Variants in SLC35A5 observed in about 807,000 individuals in gnomAD.
SLC35A5 encodes solute carrier family 35 member A5.
In SLC35A5, 28 loss-of-function variants were observed where a neutral mutation model predicts 36.3. The observed-to-expected ratio is 0.77, with a 90% CI of 0.57 to 1.06. The LOEUF is 1.06. SLC35A5 is among the 50% of genes least tolerant of loss of function. The probability of loss-of-function intolerance (pLI) is 0.00; values close to 1 mark genes in which losing one functional copy is unlikely to be tolerated. For synonymous variants in SLC35A5, 180 were observed against 173.7 expected (o/e 1.04, Z -0.29); for missense variants, 521 against 499.3 (o/e 1.04, Z -0.41).
chr3:112,575,638 A>G (rs1576755959), intron 5 of SLC35A5, among the ~76,000 whole-genome samples: 1 of 152,282 alleles, frequency 6.6e-6, no homozygotes, highest in Middle Eastern at 3.4e-3. Flanking sequence ...AGGAATAATA[A>G]TGATTCTTAG....
chr3:112,563,095 T>G (rs186087573), intron 1 of SLC35A5, among the ~76,000 whole-genome samples: 1 of 152,328 alleles, frequency 6.6e-6, no homozygotes, highest in Admixed American at 6.5e-5. Context: ...AAAATAAAAT[T>G]CAAAATTGCT....
chr3:112,581,224 T>C lies in SLC35A5; in HGVS notation c.1107T>C (p.Ser369=), dbSNP rs769147199. 7 of 1,613,856 alleles carry C rather than the reference T, an allele frequency of 4.3e-6. No individual in the cohort carries two copies. In the Admixed American group the frequency reaches 1.2e-4, roughly 27 times the overall value. Residue 369 remains serine (S), a synonymous_variant, in exon 6 of 7, where the codon TCT becomes TCC. Coordinates refer to ENST00000492406, the MANE Select transcript of SLC35A5 (RefSeq NM_017945.5). ...TGGAAGCCCCATCAGTCCTTCTCTC[T>C]ATATTTATTTATAATGCCAGCAAGC... ...FFLEAPSVLL[S]IFIYNASKPQ...
Position 112,563,514 on chromosome 3 carries a change from GAAGTA to G in SLC35A5, c.112_116del (p.Lys38PhefsTer4), listed in dbSNP as rs1444041539. 12 of 1,604,084 alleles carry G rather than the reference GAAGTA, an allele frequency of 7.5e-6. No individual in the cohort carries two copies. Among genetic ancestry groups the G allele is most frequent in the Non-Finnish European group, 1.0e-5 (12 of 1,172,586 alleles). ...TAAGCTCAAGTCGCATCTTACTAGT[GAAGTA>G]TTCTGCCAATGAAGGTAAGTTAAGA... On this transcript the variant is annotated frameshift_variant, in exon 2 of 7. Coordinates refer to ENST00000492406, the MANE Select transcript of SLC35A5 (RefSeq NM_017945.5). LOFTEE classifies it high-confidence loss of function.
chr3:112,579,817 C>G (rs1934823683), intron 5 of SLC35A5, among the ~76,000 whole-genome samples: 1 of 152,168 alleles, frequency 6.6e-6, no homozygotes, highest in South Asian at 2.1e-4. Flanking sequence ...CCCAGGTTGC[C>G]TGGCACGTAG....
At chr3:112,561,654 G>GGGGAC (rs1052716811), upstream of SLC35A5, 159 of 988,496 alleles carry the variant, frequency 1.6e-4, 1 homozygote, top group East Asian at 2.7e-3. Context: ...CAGCACCCGA[G>GGGGAC]GGGACGGGAC....
chr3:112,576,414 C>T (rs867280092), intron 5 of SLC35A5, among the ~76,000 whole-genome samples: 6 of 147,962 alleles, frequency 4.1e-5, no homozygotes, highest in Non-Finnish European at 7.5e-5. Context: ...CGTGAGCCAC[C>T]GCGTCCAGCC....
upstream of SLC35A5, chr3:112,561,331 G>A (rs910010246): frequency 2.2e-5 from 21 of 943,522 alleles, no homozygotes; most frequent in Non-Finnish European, 3.5e-5. Context: ...ACACTTCCCT[G>A]TGTCTCGAGC....
chr3:112,565,907 A>G (rs980170166), intron 2 of SLC35A5, among the ~76,000 whole-genome samples: 4 of 152,216 alleles, frequency 2.6e-5, no homozygotes, highest in African/African-American at 9.6e-5. Flanking sequence ...TCTCTAGGCC[A>G]GTCTGAGGGA....
At chr3:112,579,158 A>T (rs1210431717) in intron 5 of SLC35A5, among the ~76,000 whole-genome samples, 1 of 152,168 alleles carries the variant, frequency 6.6e-6, no homozygotes, top group Admixed American at 6.5e-5. Context: ...TGCATCCTGG[A>T]AACTTAGAAT....
At chr3:112,581,678 G>A (rs1185968839) in intron 6 of SLC35A5, among the ~76,000 whole-genome samples, 3 of 152,158 alleles carry the variant, frequency 2.0e-5, no homozygotes, top group Non-Finnish European at 4.4e-5. Context: ...GAAAGAACTG[G>A]TACACCTATG....
At chr3:112,573,231 C>T (rs1934525345) in intron 4 of SLC35A5, among the ~76,000 whole-genome samples, 1 of 152,100 alleles carries the variant, frequency 6.6e-6, no homozygotes, top group South Asian at 2.1e-4. Context: ...TAATTATGGG[C>T]AGCAATGATG....
chr3:112,564,589 C>T (rs1352465936), intron 2 of SLC35A5, among the ~76,000 whole-genome samples: 1 of 152,104 alleles, frequency 6.6e-6, no homozygotes, highest in Non-Finnish European at 1.5e-5. Flanking sequence ...AAGAGGCGTT[C>T]CTTCCTCTTT....
chr3:112,570,620 T>G lies in SLC35A5; in HGVS notation c.310T>G (p.Tyr104Asp). The G allele has an allele frequency of 6.2e-7, 1 of 1,612,762 alleles. No individual in the cohort carries two copies. Among genetic ancestry groups the G allele is most frequent in the Non-Finnish European group, 8.5e-7 (1 of 1,179,394 alleles). The change falls in exon 4 of 7, where the codon TAT (tyrosine) becomes GAT (aspartate). Residue 104 changes from tyrosine to aspartate, a missense_variant. By Grantham distance (160) the Tyr-to-Asp change is radical. Coordinates refer to ENST00000492406, the MANE Select transcript of SLC35A5 (RefSeq NM_017945.5). ...FMKWSIPAFL[Y>D]FLDNLIVFYV... The stretch of plus-strand genomic sequence containing the variant: ...GAAGTGGTCCATTCCTGCCTTTCTT[T>G]ATTTCCTGGATAACTTGATTGTCTT...
rs1935101251 is a variant in SLC35A5, at chr3:112,585,217, A to C, written c.*2481A>C. The C allele has an allele frequency of 3.3e-5, 5 of 151,904 alleles. No individual in the cohort carries two copies. The highest frequency in any genetic ancestry group is 3.3e-4 in the Admixed American group (5 of 15,252). 9.4% of individuals were successfully genotyped at this position (151,904 alleles called of 1,614,324 possible). ...AGGCAGCAGGAGAGAGAGTGCCAACAGGGGAAATGGCAGATGCTTATAAAA... is the reference window on the plus strand; with the variant it reads ...AGGCAGCAGGAGAGAGAGTGCCAACCGGGGAAATGGCAGATGCTTATAAAA... On this transcript the variant is annotated 3_prime_UTR_variant, in exon 7 of 7. Coordinates refer to ENST00000492406, the MANE Select transcript of SLC35A5 (RefSeq NM_017945.5).
rs577437873 is a variant in SLC35A5, at chr3:112,584,713, G to A, written c.*1977G>A. On this transcript the variant is annotated 3_prime_UTR_variant, in exon 7 of 7. Coordinates refer to ENST00000492406, the MANE Select transcript of SLC35A5 (RefSeq NM_017945.5). ...GTACCTACCCAAAGGAAAATAAATC[G>A]TTTTATCAAAAAGACACTTGCAGTG... 3.3e-5 allele frequency: 5 copies of A among 152,186 alleles called. No homozygotes were observed. The highest frequency in any genetic ancestry group is 2.1e-4 in the South Asian group (1 of 4,824). 9.4% of individuals were successfully genotyped at this position (152,186 alleles called of 1,614,324 possible).
chr3:112,571,114 T>C (rs1934415607), intron 4 of SLC35A5, among the ~76,000 whole-genome samples: 1 of 152,240 alleles, frequency 6.6e-6, no homozygotes, highest in Admixed American at 6.5e-5. Flanking sequence ...TTTATTTGTA[T>C]GGTTTTCTTT....
Position 112,580,949 on chromosome 3 carries a change from T to C in SLC35A5, c.832T>C (p.Phe278Leu). 1 of 1,614,144 alleles carries C rather than the reference T, an allele frequency of 6.2e-7. No homozygotes were observed. Among genetic ancestry groups the C allele is most frequent in the South Asian group, 1.1e-5 (1 of 91,084 alleles). The part of the protein sequence containing the change: ...NSKLYFFGIL[F>L]NGLTLGLQRS... ...CAAACTCTATTTCTTTGGCATTCTG[T>C]TTAATGGGCTGACTCTGGGCCTTCA... Residue 278 changes from phenylalanine to leucine, a missense_variant, in exon 6 of 7, where the codon TTT (phenylalanine) becomes CTT (leucine). Transcript: ENST00000492406.
At chr3:112,564,630 AGGTGTCG>A (rs1934109387) in intron 2 of SLC35A5, among the ~76,000 whole-genome samples, 1 of 152,074 alleles carries the variant, frequency 6.6e-6, no homozygotes, top group Non-Finnish European at 1.5e-5. Context: ...GACCCTTTAC[AGGTGTCG>A]GGCTGGGGGA....
upstream of SLC35A5, chr3:112,561,478 C>T: frequency 1.2e-6 from 2 of 1,613,516 alleles, no homozygotes; most frequent in East Asian, 2.2e-5. Flanking sequence ...GGGTCAGGTA[C>T]TCAGCCACTT....
Sources: allele counts gnomAD v4.1 joint callset (sites outside exome capture counted in the v4.1 genomes callset), GRCh38; gene constraint gnomAD v4.1.1; transcripts MANE v1.5; gene names NCBI Gene and HGNC (gene_info 2026-07-23, HGNC 2026-07-21).